Variants in PKN2 observed in about 807,000 individuals in gnomAD.
PKN2 encodes serine/threonine-protein kinase N2.
PKN2 carries 38 observed loss-of-function variants against 119.1 expected under a neutral mutation model. The ratio of observed to expected loss-of-function variants is 0.32; its 90% CI spans 0.25 to 0.42. The LOEUF is 0.42. PKN2 is among the 10% of genes least tolerant of loss of function. PKN2 has a pLI of 1.00. For missense variants in PKN2, 850 were observed against 1,165.1 expected, an observed-to-expected ratio of 0.73 and a Z score of 3.94; for synonymous variants, 390 against 384.9, an observed-to-expected ratio of 1.01 and a Z score of -0.15.
chr1:88,745,139 A>C (rs1668723893), intron 2 of PKN2, among the ~76,000 whole-genome samples: 1 of 152,236 alleles, frequency 6.6e-6, no homozygotes, highest in Admixed American at 6.5e-5. Flanking sequence ...TATATATGAC[A>C]GGCCCACAAC....
rs1372465838 is a variant in PKN2 at position 88,835,309 on chromosome 1, CTG to C, written c.*1865_*1866del. ...CTTAATTGTCTGGCTTTAATTTAAA[CTG>C]TGTTAATACAACATTAAAATAAAAC... On this transcript the variant is annotated 3_prime_UTR_variant, in exon 22 of 22. Coordinates refer to ENST00000370521, the MANE Select transcript of PKN2 (RefSeq NM_006256.4). 6.6e-6 allele frequency: 1 copy of C among 152,444 alleles called. No individual in the cohort carries two copies. The highest frequency in any genetic ancestry group is 1.5e-5 in the Non-Finnish European group (1 of 67,922). 9.4% of individuals were successfully genotyped at this position (152,444 alleles called of 1,614,324 possible). A position where few individuals can be genotyped will look rare whatever the true frequency, so the allele number is the denominator to read the frequency against.
At position 88,784,780 on chromosome 1, in the gene PKN2, A is replaced by G. The variant is rs373814749; in HGVS notation, c.1127A>G (p.Lys376Arg). 23 of 1,611,924 alleles carry G rather than the reference A, an allele frequency of 1.4e-5. No individual in the cohort carries two copies. Among genetic ancestry groups the G allele is most frequent in the Non-Finnish European group, 1.9e-5 (22 of 1,178,978 alleles). Reference protein sequence around the residue: ...SSFMSRTSKSKSGSSRNLLKT... With the variant: ...SSFMSRTSKSRSGSSRNLLKT... ...TTCATGAGCAGAACGAGTAAAAGTA[A>G]AAGCGGAAGTAGTCGAAATCTTCTA... The change falls in exon 7 of 22, where the codon AAA (lysine) becomes AGA (arginine). Residue 376 changes from lysine to arginine, a missense_variant. Physicochemically the swap from Lys to Arg is conservative, Grantham distance 26. Around this residue, in one of 9 missense-constraint regions of PKN2, gnomAD observed 350 missense variants for 511.1 expected, o/e 0.68. Transcript: ENST00000370521.
intron 2 of PKN2, among the ~76,000 whole-genome samples, chr1:88,753,700 A>G (rs1437832324): frequency 2.0e-5 from 3 of 151,764 alleles, no homozygotes; most frequent in Non-Finnish European, 4.4e-5. Flanking sequence ...GGGAGGGGCT[A>G]CACACTTTTA....
At chr1:88,725,734 A>G (rs981755078) in intron 1 of PKN2, among the ~76,000 whole-genome samples, 1 of 152,164 alleles carries the variant, frequency 6.6e-6, no homozygotes, top group Non-Finnish European at 1.5e-5. Flanking sequence ...GATAAGTCCA[A>G]TTGATCTTTT....
chr1:88,739,783 T>C (rs1278556426), intron 1 of PKN2, among the ~76,000 whole-genome samples: 2 of 152,236 alleles, frequency 1.3e-5, no homozygotes, highest in Non-Finnish European at 2.9e-5. Flanking sequence ...ATAGATTAGC[T>C]GTGCTTAACT....
rs538184881 is a variant in PKN2 at position 88,773,290 on chromosome 1, AG to A, written c.985+1413del. Among the ~76,000 whole-genome samples the A allele has an allele frequency of 5.3e-5, 8 of 151,512 alleles. No individual in the cohort carries two copies. The East Asian group carries it at 1.6e-3, about 29-fold the overall frequency. ...ACTCTCATTGCAGCCTCCCACTCCCAGGTTCAAGCAATTCTTGTGCCTCAGC... is the reference window on the plus strand; with the variant it reads ...ACTCTCATTGCAGCCTCCCACTCCCAGTTCAAGCAATTCTTGTGCCTCAGC... On this transcript the variant is annotated intron_variant, in intron 6 of 21. Coordinates refer to ENST00000370521, the MANE Select transcript of PKN2 (RefSeq NM_006256.4).
At chr1:88,747,974 A>G (rs1668833001) in intron 2 of PKN2, among the ~76,000 whole-genome samples, 1 of 152,100 alleles carries the variant, frequency 6.6e-6, no homozygotes, top group Non-Finnish European at 1.5e-5. Flanking sequence ...TGCCCTGCCC[A>G]CTTAAATAGT....
intron 6 of PKN2, among the ~76,000 whole-genome samples, chr1:88,776,532 G>A (rs1670112804): frequency 6.6e-6 from 1 of 151,852 alleles, no homozygotes; most frequent in South Asian, 2.1e-4. Flanking sequence ...TTGAGGTCAG[G>A]AGTTTGAGAC....
chr1:88,744,838 T>C (rs1004709220), intron 2 of PKN2, among the ~76,000 whole-genome samples: 3 of 152,248 alleles, frequency 2.0e-5, no homozygotes, highest in African/African-American at 4.8e-5. Context: ...GAAATATTCC[T>C]TATTGTAATG....
chr1:88,825,631 G>T (rs987651421), intron 18 of PKN2, among the ~76,000 whole-genome samples: 1 of 152,092 alleles, frequency 6.6e-6, no homozygotes, highest in East Asian at 1.9e-4. Flanking sequence ...TTTCCAGTCA[G>T]CTCCTTTCAC....
Position 88,821,931 on chromosome 1 carries a change from C to T in PKN2, c.2280-10C>T. 1.9e-6 allele frequency: 3 copies of T among 1,564,010 alleles called. No homozygotes were observed. In the South Asian group the frequency reaches 3.7e-5, roughly 19 times the overall value. On this transcript the variant is annotated splice_polypyrimidine_tract_variant and intron_variant, in intron 16 of 21. Transcript: ENST00000370521. Reference sequence around the variant, plus strand: ...TTATTAAACTCCTGTTGATTTAATTCTTCAAACAGATTTTATGCTGCTTGT... The same window carrying T: ...TTATTAAACTCCTGTTGATTTAATTTTTCAAACAGATTTTATGCTGCTTGT...
chr1:88,806,135 G>T, intron 12 of PKN2, 118 bp downstream of exon 12: 1 of 913,212 alleles, frequency 1.1e-6, no homozygotes, highest in Non-Finnish European at 1.7e-6. Flanking sequence ...TGAATTTATG[G>T]TTTTTTGTTT....
At chr1:88,777,123 A>C (rs943087272) in intron 6 of PKN2, among the ~76,000 whole-genome samples, 10 of 152,154 alleles carry the variant, frequency 6.6e-5, no homozygotes, top group African/African-American at 2.4e-4. Context: ...AAGACTAGAC[A>C]AGTGCAATTG....
chr1:88,769,996 G>C (rs560331499), intron 3 of PKN2, among the ~76,000 whole-genome samples: 1 of 152,276 alleles, frequency 6.6e-6, no homozygotes, highest in Non-Finnish European at 1.5e-5. Context: ...AAGGTGATGG[G>C]TCAGTAAATT....
Position 88,833,362 on chromosome 1 carries a change from C to G in PKN2, c.2869C>G (p.Leu957Val). Residue 957 changes from leucine to valine, a missense_variant, in exon 22 of 22, where the codon CTG becomes GTG. Physicochemically the swap from Leu to Val is conservative, Grantham distance 32. This residue lies in a region of PKN2 where 52 missense variants were observed against 39.9 expected (regional missense o/e 1.30). Coordinates refer to ENST00000370521, the MANE Select transcript of PKN2 (RefSeq NM_006256.4). ...TGAATTTACCTCAGAAGCACCTATT[C>G]TGACTCCACCTCGAGAACCAAGGAT... is the stretch of plus-strand genomic sequence containing the variant. ...DDEFTSEAPI[L>V]TPPREPRILS... 1.2e-6 allele frequency: 2 copies of G among 1,613,484 alleles called. No individual in the cohort carries two copies. Among genetic ancestry groups the G allele is most frequent in the Non-Finnish European group, 1.7e-6 (2 of 1,179,506 alleles).
chr1:88,791,837 A>G (rs1169140119), intron 8 of PKN2, among the ~76,000 whole-genome samples: 1 of 152,236 alleles, frequency 6.6e-6, no homozygotes, highest in Non-Finnish European at 1.5e-5. Context: ...CATAGCAACC[A>G]TGGCAGTGAG....
intron 2 of PKN2, among the ~76,000 whole-genome samples, chr1:88,757,517 C>A (rs1669253225): frequency 1.3e-5 from 2 of 151,974 alleles, no homozygotes; most frequent in Non-Finnish European, 2.9e-5. Context: ...GAAATACATT[C>A]ATTAAAATGG....
intron 8 of PKN2, among the ~76,000 whole-genome samples, chr1:88,787,471 A>G (rs1670627894): frequency 6.6e-6 from 1 of 152,178 alleles, no homozygotes; most frequent in South Asian, 2.1e-4. Flanking sequence ...CATACCAGTA[A>G]ATTTCAGGAC....
At chr1:88,818,940 T>A (rs1472531383) in intron 16 of PKN2, among the ~76,000 whole-genome samples, 1 of 152,188 alleles carries the variant, frequency 6.6e-6, no homozygotes, top group Non-Finnish European at 1.5e-5. Context: ...AAGAATTCCC[T>A]ATTTAATAAA....
Sources: allele counts gnomAD v4.1 joint callset (sites outside exome capture counted in the v4.1 genomes callset), GRCh38; gene constraint gnomAD v4.1.1; regional missense constraint gnomAD v4.1.1; transcripts MANE v1.5; gene names NCBI Gene and HGNC (gene_info 2026-07-23, HGNC 2026-07-21).